Variants in CNTNAP2 observed in about 807,000 individuals in gnomAD.
CNTNAP2 encodes contactin-associated protein-like 2.
Under a neutral mutation model 155.2 loss-of-function variants are expected in CNTNAP2, and 98 were observed. The observed-to-expected ratio is 0.63, with a 90% CI of 0.54 to 0.75. The LOEUF is 0.75. Ranked by LOEUF, CNTNAP2 falls within the 30% of genes least tolerant of loss-of-function variation. The pLI is 0.00. For missense variants in CNTNAP2, 1,727 were observed against 1,688.1 expected, an observed-to-expected ratio of 1.02 and a Z score of -0.40; for synonymous variants, 651 against 631.2, an observed-to-expected ratio of 1.03 and a Z score of -0.47.
intron 15 of CNTNAP2, among the ~76,000 whole-genome samples, chr7:148,003,788 T>C (rs1003620725): frequency 2.6e-5 from 4 of 152,230 alleles, no homozygotes. Context: ...TAAATTTCAT[T>C]CTTAGGGGTT....
chr7:148,103,025 G>T (rs777549368), intron 15 of CNTNAP2, among the ~76,000 whole-genome samples: 1 of 152,104 alleles, frequency 6.6e-6, no homozygotes, highest in Non-Finnish European at 1.5e-5. Context: ...AACTCGAAAT[G>T]GGGAGGGGGC....
intron 1 of CNTNAP2, among the ~76,000 whole-genome samples, chr7:146,585,625 C>T (rs1187191388): frequency 1.3e-5 from 2 of 150,546 alleles, no homozygotes; most frequent in Non-Finnish European, 2.9e-5. Context: ...TTCAGAGTTA[C>T]CTATTAAAAA....
At chr7:147,902,836 G>T (rs1458709249) in intron 13 of CNTNAP2, among the ~76,000 whole-genome samples, 2 of 125,350 alleles carry the variant, frequency 1.6e-5, no homozygotes, top group African/African-American at 5.9e-5. Flanking sequence ...GTGTGTGTGT[G>T]TGTGTGTATG....
At chr7:146,557,904 G>T (rs1798220372) in intron 1 of CNTNAP2, among the ~76,000 whole-genome samples, 1 of 152,154 alleles carries the variant, frequency 6.6e-6, no homozygotes, top group African/African-American at 2.4e-5. Context: ...ATCATCTCAT[G>T]TTAAAATGAG....
intron 2 of CNTNAP2, among the ~76,000 whole-genome samples, chr7:146,805,793 AG>A (rs1335445837): frequency 1.3e-5 from 2 of 152,210 alleles, no homozygotes; most frequent in African/African-American, 4.8e-5. Context: ...CAATGAAAAA[AG>A]TTTATATTTA....
At chr7:147,173,691 A>G (rs1243622424) in intron 8 of CNTNAP2, among the ~76,000 whole-genome samples, 6 of 152,188 alleles carry the variant, frequency 3.9e-5, no homozygotes, top group Admixed American at 2.6e-4. Context: ...AAGTAGCCAG[A>G]GTGATTTCTC....
At chr7:147,895,225 C>A (rs1291653066) in intron 13 of CNTNAP2, among the ~76,000 whole-genome samples, 1 of 151,820 alleles carries the variant, frequency 6.6e-6, no homozygotes. Context: ...CCTCCCACCT[C>A]GGCCTCCTAA....
At chr7:146,851,650 CTGTGTGTGTGTGTGTGTGTGTGTGTGTG>C (rs71165041) in intron 3 of CNTNAP2, among the ~76,000 whole-genome samples, 1 of 133,018 alleles carries the variant, frequency 7.5e-6, no homozygotes, top group Non-Finnish European at 1.6e-5. Context: ...CATCTTTCTT[CTGTGTGTGTGTGTGTGTGTGTGTGTGTG>C]TGTGTGTGTG....
At chr7:147,705,122 T>G (rs1316798665) in intron 13 of CNTNAP2, among the ~76,000 whole-genome samples, 1 of 152,114 alleles carries the variant, frequency 6.6e-6, no homozygotes, top group African/African-American at 2.4e-5. Flanking sequence ...GGATTGTTCT[T>G]GTTTCTCTAG....
intron 10 of CNTNAP2, among the ~76,000 whole-genome samples, chr7:147,482,335 A>G (rs1175089381): frequency 6.6e-6 from 1 of 152,134 alleles, no homozygotes; most frequent in Non-Finnish European, 1.5e-5. Flanking sequence ...GTTTGCAATT[A>G]TATTTGAACA....
chr7:146,895,572 T>C (rs1795859863), intron 3 of CNTNAP2, among the ~76,000 whole-genome samples: 1 of 151,964 alleles, frequency 6.6e-6, no homozygotes, highest in African/African-American at 2.4e-5. Context: ...GAGCCATTTT[T>C]GATATTTTTG....
At chr7:147,841,910 C>T (rs938479995) in intron 13 of CNTNAP2, among the ~76,000 whole-genome samples, 5 of 151,938 alleles carry the variant, frequency 3.3e-5, no homozygotes, top group African/African-American at 1.2e-4. Context: ...AATCACCAAC[C>T]TTAAAATCAC....
At chr7:147,671,522 G>T (rs1037738984) in intron 13 of CNTNAP2, among the ~76,000 whole-genome samples, 2 of 151,810 alleles carry the variant, frequency 1.3e-5, no homozygotes, top group African/African-American at 4.8e-5. Context: ...TTTTTTTTTG[G>T]CCAAAATAAC....
intron 13 of CNTNAP2, among the ~76,000 whole-genome samples, chr7:147,899,518 C>G (rs1207536107): frequency 6.6e-6 from 1 of 152,122 alleles, no homozygotes; most frequent in Non-Finnish European, 1.5e-5. Flanking sequence ...ACATTGGACA[C>G]TTTAAAAGTT....
At position 146,908,835 on chromosome 7, in the gene CNTNAP2, A is replaced by C. The variant is rs575536484; in HGVS notation, c.402+68931A>C. Reference sequence around the variant, plus strand: ...ACTGAAGGAAATAGAGACACAAAAAACCCTTCAAAAAAATCAATGAATCCA... The same window carrying C: ...ACTGAAGGAAATAGAGACACAAAAACCCCTTCAAAAAAATCAATGAATCCA... On this transcript the variant is annotated intron_variant, in intron 3 of 23. Coordinates refer to ENST00000361727, the MANE Select transcript of CNTNAP2 (RefSeq NM_014141.6). Among the ~76,000 whole-genome samples, 1,222 of 128,628 alleles carry C rather than the reference A, an allele frequency of 9.5e-3. 49 individuals are homozygous for C. Among genetic ancestry groups the C allele is most frequent in the African/African-American group, 0.031 (1,118 of 35,742 alleles). The allele number at this position is 128,628 out of a possible 152,430, so 84.4% of individuals were successfully genotyped here. A position where few individuals can be genotyped will look rare whatever the true frequency, so the allele number is the denominator to read the frequency against.
chr7:146,281,574 A>G (rs982525865), intron 1 of CNTNAP2, among the ~76,000 whole-genome samples: 2 of 152,076 alleles, frequency 1.3e-5, no homozygotes, highest in African/African-American at 4.8e-5. Flanking sequence ...AGGCGGGTGG[A>G]TCACAAGGTC....
At chr7:148,023,336 G>A (rs917901951) in intron 15 of CNTNAP2, among the ~76,000 whole-genome samples, 3 of 152,196 alleles carry the variant, frequency 2.0e-5, no homozygotes, top group African/African-American at 7.2e-5. Flanking sequence ...AGCCCAGAAA[G>A]CAAGCTCATG....
At chr7:146,336,276 C>T (rs925990383) in intron 1 of CNTNAP2, among the ~76,000 whole-genome samples, 1 of 151,272 alleles carries the variant, frequency 6.6e-6, no homozygotes, top group Non-Finnish European at 1.5e-5. Flanking sequence ...AATATGGAGG[C>T]TTGGAGATAT....
chr7:146,942,707 T>A (rs1422650271), intron 3 of CNTNAP2, among the ~76,000 whole-genome samples: 1 of 152,106 alleles, frequency 6.6e-6, no homozygotes, highest in East Asian at 1.9e-4. Context: ...ATAAATGAAA[T>A]ACCACAATTA....
Sources: allele counts gnomAD v4.1 joint callset (sites outside exome capture counted in the v4.1 genomes callset), GRCh38; gene constraint gnomAD v4.1.1; transcripts MANE v1.5; gene names NCBI Gene and HGNC (gene_info 2026-07-23, HGNC 2026-07-21).